SOX5: variants seen among roughly 807,000 people sequenced by gnomAD.
The protein encoded by SOX5 is transcription factor SOX-5.
In SOX5, 9 loss-of-function variants were observed where a neutral mutation model predicts 92.0. The observed-to-expected ratio is 0.10, with a 90% CI of 0.06 to 0.17. SOX5 has a LOEUF of 0.17. Ranked by LOEUF, SOX5 falls within the 10% of genes least tolerant of loss-of-function variation. The pLI, the probability that SOX5 is intolerant of heterozygous loss-of-function variation, is 1.00. For missense variants in SOX5, 642 were observed against 944.5 expected (o/e 0.68, Z 4.20); for synonymous variants, 344 against 336.3 (o/e 1.02, Z -0.25).
intron 1 of SOX5, among the ~76,000 whole-genome samples, chr12:24,371,288 A>T (rs141952162): frequency 6.6e-6 from 1 of 152,234 alleles, no homozygotes; most frequent in Non-Finnish European, 1.5e-5. Flanking sequence ...AGTCCTAAAA[A>T]TACAAAGAGC....
chr12:23,790,733 G>A (rs1255337934), intron 3 of SOX5, among the ~76,000 whole-genome samples: 2 of 152,122 alleles, frequency 1.3e-5, no homozygotes, highest in East Asian at 3.8e-4. Context: ...ACCTGTGATT[G>A]TCTTTCAGTT....
At chr12:24,351,891 G>A (rs1954131416) in intron 2 of SOX5, among the ~76,000 whole-genome samples, 2 of 152,168 alleles carry the variant, frequency 1.3e-5, no homozygotes, top group Non-Finnish European at 2.9e-5. Flanking sequence ...TGTTACCATG[G>A]TTATTTTCAG....
At chr12:23,575,404 T>G (rs1948957756) in intron 10 of SOX5, among the ~76,000 whole-genome samples, 1 of 152,246 alleles carries the variant, frequency 6.6e-6, no homozygotes, top group African/African-American at 2.4e-5. Flanking sequence ...CACTTAGTCC[T>G]CTTTTTATAT....
At chr12:24,506,649 G>C (rs932611593) in intron 1 of SOX5, among the ~76,000 whole-genome samples, 2 of 152,034 alleles carry the variant, frequency 1.3e-5, no homozygotes, top group Non-Finnish European at 2.9e-5. Context: ...ATTAACAATG[G>C]CATCCTACTG....
rs149739268 is a variant in SOX5, at chr12:24,437,738, C to T, written c.-250-69099G>A. ...GCAAATCAAAACCACAGTGAGATAC[C>T]ATCTTATGCCAGTTAGAATGGCGAT... On this transcript the variant is annotated intron_variant, in intron 1 of 4. Transcript: ENST00000446891. Among the ~76,000 whole-genome samples the T allele has an allele frequency of 3.0e-3, 455 of 152,260 alleles. 4 individuals are homozygous for T. The highest frequency in any genetic ancestry group is 0.011 in the African/African-American group (448 of 41,548).
intron 1 of SOX5, among the ~76,000 whole-genome samples, chr12:24,556,067 A>G (rs1375309770): frequency 1.3e-5 from 2 of 152,116 alleles, no homozygotes; most frequent in Non-Finnish European, 2.9e-5. Flanking sequence ...CATAGGCTGC[A>G]CTATAGTCAA....
At chr12:23,606,148 C>T (rs550539085) in intron 8 of SOX5, among the ~76,000 whole-genome samples, 76 of 152,008 alleles carry the variant, frequency 5.0e-4, no homozygotes, top group African/African-American at 1.8e-3. Flanking sequence ...AAAAGCACTT[C>T]TTTCTGGCAT....
At chr12:24,218,125 T>G (rs1243630410) in intron 3 of SOX5, among the ~76,000 whole-genome samples, 1 of 152,200 alleles carries the variant, frequency 6.6e-6, no homozygotes, top group Non-Finnish European at 1.5e-5. Flanking sequence ...TACTCCTAAG[T>G]GTATACCCAA....
At chr12:24,293,654 G>T (rs1442551557) in intron 2 of SOX5, among the ~76,000 whole-genome samples, 1 of 152,104 alleles carries the variant, frequency 6.6e-6, no homozygotes, top group Non-Finnish European at 1.5e-5. Context: ...TATTCCAGAA[G>T]GTGGGCATTT....
intron 1 of SOX5, among the ~76,000 whole-genome samples, chr12:24,476,631 C>G (rs1945409577): frequency 6.6e-6 from 1 of 152,164 alleles, no homozygotes; most frequent in Non-Finnish European, 1.5e-5. Context: ...GCCCAGGCCC[C>G]CACGGCACTC....
intron 1 of SOX5, among the ~76,000 whole-genome samples, chr12:23,921,396 A>AC (rs1224276261): frequency 5.9e-5 from 9 of 151,930 alleles, no homozygotes; most frequent in Non-Finnish European, 1.2e-4. Flanking sequence ...AAAAAAAAAA[A>AC]GTCAAAAATC....
intron 3 of SOX5, among the ~76,000 whole-genome samples, chr12:23,844,145 C>G (rs964709653): frequency 6.6e-6 from 1 of 152,212 alleles, no homozygotes; most frequent in Non-Finnish European, 1.5e-5. Context: ...TCTGGCAACA[C>G]AACGTACTGT....
chr12:24,145,436 C>T (rs1005340230), intron 4 of SOX5, among the ~76,000 whole-genome samples: 1 of 152,026 alleles, frequency 6.6e-6, no homozygotes, highest in African/African-American at 2.4e-5. Context: ...GACAGAAACT[C>T]TAGTTTAAAT....
intron 1 of SOX5, among the ~76,000 whole-genome samples, chr12:23,943,491 A>G (rs183193741): frequency 4.4e-4 from 67 of 152,198 alleles, no homozygotes; most frequent in Non-Finnish European, 2.4e-4. Context: ...GCATCCTCAT[A>G]TTGCATGATC....
At chr12:23,759,010 A>AACAC (rs761303900) in intron 3 of SOX5, among the ~76,000 whole-genome samples, 34 of 108,508 alleles carry the variant, frequency 3.1e-4, no homozygotes, top group Middle Eastern at 4.3e-3. Context: ...GGCAACACAA[A>AACAC]ACACACACAC....
At chr12:24,369,417 G>C (rs1219577833) in intron 1 of SOX5, among the ~76,000 whole-genome samples, 1 of 152,118 alleles carries the variant, frequency 6.6e-6, no homozygotes, top group East Asian at 1.9e-4. Context: ...GCCATGTAGG[G>C]GACAGTATGT....
intron 6 of SOX5, among the ~76,000 whole-genome samples, chr12:23,701,889 A>C (rs1018523576): frequency 2.6e-5 from 4 of 152,124 alleles, no homozygotes; most frequent in Non-Finnish European, 4.4e-5. Flanking sequence ...CCCTTTCTTT[A>C]CCTCCAAAGA....
At chr12:24,170,042 A>T (rs1953899808) in intron 4 of SOX5, among the ~76,000 whole-genome samples, 1 of 152,074 alleles carries the variant, frequency 6.6e-6, no homozygotes, top group Non-Finnish European at 1.5e-5. Context: ...TTCAGAGGAG[A>T]GTGGCACCTT....
intron 2 of SOX5, among the ~76,000 whole-genome samples, chr12:24,317,159 T>G (rs553662367): frequency 1.3e-5 from 2 of 152,344 alleles, no homozygotes; most frequent in Admixed American, 1.3e-4. Flanking sequence ...TGTTTAACAA[T>G]GAGCACTGAC....
Sources: gnomAD v4.1 joint callset for allele counts (sites outside exome capture counted in the v4.1 genomes callset) on GRCh38, gnomAD v4.1.1 for gene constraint, MANE v1.5 for transcripts, NCBI Gene and HGNC (gene_info 2026-07-23, HGNC 2026-07-21) for gene names.